Variants in CHST9 observed in about 807,000 individuals in gnomAD.
CHST9 encodes GalNAc-4-sulfotransferase 2.
In CHST9, 41 loss-of-function variants were observed where a neutral mutation model predicts 44.4. The observed-to-expected ratio is 0.92, with a 90% CI of 0.72 to 1.20. The LOEUF (loss-of-function observed/expected upper bound fraction) is 1.20, where lower values mean the gene tolerates loss of function less well. Ranked by LOEUF, CHST9 falls within the 50% of genes most tolerant of loss-of-function variation. The pLI is 0.00. For missense variants in CHST9, 504 were observed against 516.5 expected (o/e 0.98, Z 0.23); for synonymous variants, 171 against 178.4 (o/e 0.96, Z 0.33).
chr18:27,118,039 A>G (rs2058343920), intron 2 of CHST9, among the ~76,000 whole-genome samples: 1 of 152,190 alleles, frequency 6.6e-6, no homozygotes, highest in African/African-American at 2.4e-5. Flanking sequence ...ATTGTTCTAC[A>G]TCTTTGCCAG....
At chr18:26,943,689 T>C (rs189820801) in intron 5 of CHST9, among the ~76,000 whole-genome samples, 2 of 152,172 alleles carry the variant, frequency 1.3e-5, no homozygotes, top group Non-Finnish European at 2.9e-5. Flanking sequence ...GGGCAAGATA[T>C]GCTTTTGGGG....
intron 4 of CHST9, among the ~76,000 whole-genome samples, chr18:26,986,411 T>A (rs2056755664): frequency 6.6e-6 from 1 of 151,908 alleles, no homozygotes; most frequent in South Asian, 2.1e-4. Context: ...AGAGAAAAGA[T>A]ATAAAAAAAG....
chr18:27,012,668 C>G (rs1430482331), intron 4 of CHST9, among the ~76,000 whole-genome samples: 1 of 152,174 alleles, frequency 6.6e-6, no homozygotes, highest in Non-Finnish European at 1.5e-5. Context: ...ACAAAAAAGA[C>G]AAATGCCTGC....
At chr18:27,145,324 T>C (rs551350823) in intron 1 of CHST9, among the ~76,000 whole-genome samples, 1 of 152,246 alleles carries the variant, frequency 6.6e-6, no homozygotes, top group South Asian at 2.1e-4. Context: ...CCCAAGTAGC[T>C]AGAATTAGCT....
chr18:27,132,755 A>G (rs2058482502), intron 2 of CHST9, among the ~76,000 whole-genome samples: 1 of 152,192 alleles, frequency 6.6e-6, no homozygotes, highest in Non-Finnish European at 1.5e-5. Context: ...ATGAGTGCTC[A>G]CCGTGGGTAG....
At chr18:27,061,695 C>G (rs1387691329) in intron 2 of CHST9, among the ~76,000 whole-genome samples, 1 of 152,024 alleles carries the variant, frequency 6.6e-6, no homozygotes, top group East Asian at 1.9e-4. Flanking sequence ...ATGTGTGTAT[C>G]AATGGCCCCA....
intron 1 of CHST9, among the ~76,000 whole-genome samples, chr18:27,169,493 C>A (rs1268611584): frequency 6.7e-6 from 1 of 149,162 alleles, no homozygotes; most frequent in Admixed American, 6.7e-5. Flanking sequence ...AACATTCAGA[C>A]AAAATTAGCA....
At position 26,959,654 on chromosome 18, in the gene CHST9, C is replaced by G. The variant is rs568017616; in HGVS notation, c.203-15288G>C. 3.9e-5 allele frequency among the ~76,000 whole-genome samples: 6 copies of G among 152,216 alleles called. No homozygotes were observed. In the East Asian group the frequency reaches 1.2e-3, roughly 29 times the overall value. ...AGCACATCAGGGAATGTCTAAGGAACAGTAAATGGTTGCACTGAACTTAAA... is the reference window on the plus strand; with the variant it reads ...AGCACATCAGGGAATGTCTAAGGAAGAGTAAATGGTTGCACTGAACTTAAA... On this transcript the variant is annotated intron_variant, in intron 4 of 5. Coordinates refer to ENST00000618847, the MANE Select transcript of CHST9 (RefSeq NM_031422.6).
At chr18:27,021,119 T>C (rs1027586341) in intron 4 of CHST9, among the ~76,000 whole-genome samples, 2 of 152,158 alleles carry the variant, frequency 1.3e-5, no homozygotes, top group South Asian at 4.1e-4. Context: ...GAATGAAAGT[T>C]CAAGTGAAAG....
chr18:27,018,644 T>C (rs2057183449), intron 4 of CHST9, among the ~76,000 whole-genome samples: 1 of 152,174 alleles, frequency 6.6e-6, no homozygotes, highest in South Asian at 2.1e-4. Flanking sequence ...TCTGAAGATT[T>C]ATGCTGAATT....
chr18:27,032,432 C>T (rs1364891087), intron 3 of CHST9, among the ~76,000 whole-genome samples: 2 of 152,154 alleles, frequency 1.3e-5, no homozygotes, highest in African/African-American at 4.8e-5. Context: ...TAAAAATACC[C>T]GATACATTTC....
intron 2 of CHST9, among the ~76,000 whole-genome samples, chr18:27,066,448 T>A (rs1294542153): frequency 6.6e-6 from 1 of 152,238 alleles, no homozygotes; most frequent in Non-Finnish European, 1.5e-5. Flanking sequence ...AAAATAACTA[T>A]GATTCTGTTT....
intron 2 of CHST9, among the ~76,000 whole-genome samples, chr18:27,113,872 T>C (rs953127791): frequency 6.6e-6 from 1 of 152,196 alleles, no homozygotes; most frequent in Non-Finnish European, 1.5e-5. Context: ...TTAATATAGC[T>C]AATGAGCTAT....
intron 2 of CHST9, among the ~76,000 whole-genome samples, chr18:27,079,228 A>G (rs1001730822): frequency 1.3e-5 from 2 of 152,198 alleles, no homozygotes; most frequent in African/African-American, 4.8e-5. Flanking sequence ...TGCACATTAC[A>G]TACTGTCTTT....
chr18:26,919,410 A>G (rs555073801), intron 5 of CHST9, among the ~76,000 whole-genome samples: 129 of 152,338 alleles, frequency 8.5e-4, no homozygotes, highest in Non-Finnish European at 1.2e-3. Flanking sequence ...AAAATATAAA[A>G]TTTGACTGTG....
At chr18:27,127,154 C>G (rs1469843907) in intron 2 of CHST9, among the ~76,000 whole-genome samples, 2 of 152,106 alleles carry the variant, frequency 1.3e-5, no homozygotes, top group African/African-American at 4.8e-5. Flanking sequence ...AATGGCACTA[C>G]AGAGACTTGC....
At chr18:27,042,940 AT>A (rs2057461723) in intron 3 of CHST9, among the ~76,000 whole-genome samples, 1 of 151,770 alleles carries the variant, frequency 6.6e-6, no homozygotes. Flanking sequence ...CTCCAGCATA[AT>A]TTCTCTGTGG....
rs759620732 is a variant in CHST9 at position 27,048,493 on chromosome 18, CT to C, written c.131del (p.Glu44GlyfsTer8). ...WIEEQHTGRV[E>X]KRREQKVTSG... ...AAGTTACTTTTTGTTCTCTTCTCTTCTCCACTCTCCCTGAAATGAGAAGTGG... is the reference window on the plus strand; with the variant it reads ...AAGTTACTTTTTGTTCTCTTCTCTTCCCACTCTCCCTGAAATGAGAAGTGG... On this transcript the variant is annotated frameshift_variant, in exon 3 of 6. Coordinates refer to ENST00000618847, the MANE Select transcript of CHST9 (RefSeq NM_031422.6). LOFTEE classifies it high-confidence loss of function. 1 of 1,606,488 alleles carries C rather than the reference CT, an allele frequency of 6.2e-7. No individual in the cohort carries two copies. Among genetic ancestry groups the C allele is most frequent in the Non-Finnish European group, 8.5e-7 (1 of 1,176,300 alleles).
intron 5 of CHST9, among the ~76,000 whole-genome samples, chr18:26,937,033 CAAAG>C (rs1271780474): frequency 1.3e-5 from 2 of 152,028 alleles, no homozygotes; most frequent in Non-Finnish European, 2.9e-5. Context: ...CTAAGAAACA[CAAAG>C]AAAACATTTT....
Sources: allele counts gnomAD v4.1 joint callset (sites outside exome capture counted in the v4.1 genomes callset), GRCh38; gene constraint gnomAD v4.1.1; transcripts MANE v1.5; gene names NCBI Gene and HGNC (gene_info 2026-07-23, HGNC 2026-07-21).